MAP6: variants seen among roughly 807,000 people sequenced by gnomAD.
MAP6 encodes microtubule-associated protein 6.
A neutral mutation model predicts 42.4 loss-of-function variants in MAP6; 26 were observed. The observed-to-expected ratio is 0.61, with a 90% CI of 0.45 to 0.85. MAP6 has a LOEUF of 0.85. Among genes scored for constraint, MAP6 ranks in the 40% least tolerant of loss-of-function variants. The pLI, the probability that MAP6 is intolerant of heterozygous loss-of-function variation, is 0.00. For synonymous variants in MAP6, 418 were observed against 443.8 expected (o/e 0.94, Z 0.73); for missense variants, 966 against 1,099.0 (o/e 0.88, Z 1.71).
intron 1 of MAP6, among the ~76,000 whole-genome samples, chr11:75,654,861 C>T (rs1356255756): frequency 1.3e-5 from 2 of 152,154 alleles, no homozygotes; most frequent in East Asian, 1.9e-4. Context: ...AGTTAAGATG[C>T]ATGATTCAAA....
At chr11:75,604,507 G>C (rs114449143) in intron 3 of MAP6, 2 of 985,292 alleles carry the variant, frequency 2.0e-6, no homozygotes, top group African/African-American at 3.5e-5. Context: ...TTAAGGACAG[G>C]AGATACAGAG....
At chr11:75,613,816 G>C (rs1190515762) in intron 1 of MAP6, among the ~76,000 whole-genome samples, 2 of 152,144 alleles carry the variant, frequency 1.3e-5, no homozygotes, top group Non-Finnish European at 2.9e-5. Flanking sequence ...TGGAGAGAAG[G>C]CTGGGCCAGC....
chr11:75,608,280 T>G lies in MAP6; in HGVS notation c.948A>C (p.Pro316=). ...GCTTGTACTGGGGCTTGGCCTTTAT[T>G]GGTTTCACAGGCTTGATGTCCGTCC... ...RAWTDIKPVK[P]IKAKPQYKPP... is the part of the protein sequence containing the mutation. The change falls in exon 2 of 4, where the codon CCA becomes CCC. Residue 316 remains proline, a synonymous_variant. Coordinates refer to ENST00000304771, the MANE Select transcript of MAP6 (RefSeq NM_033063.2). The G allele has an allele frequency of 1.2e-6, 2 of 1,614,216 alleles. No homozygotes were observed. The highest frequency in any genetic ancestry group is 1.7e-6 in the Non-Finnish European group (2 of 1,180,034).
chr11:75,626,736 T>C (rs1378503606), intron 1 of MAP6, among the ~76,000 whole-genome samples: 1 of 152,220 alleles, frequency 6.6e-6, no homozygotes, highest in African/African-American at 2.4e-5. Context: ...ACTATTACTT[T>C]CTGTTTTATG....
chr11:75,647,718 G>T (rs1252930059), intron 1 of MAP6, among the ~76,000 whole-genome samples: 2 of 152,172 alleles, frequency 1.3e-5, no homozygotes, highest in Non-Finnish European at 2.9e-5. Context: ...CAGTATTATA[G>T]AGATGTTAAT....
chr11:75,661,212 T>A (rs73488490), intron 1 of MAP6, among the ~76,000 whole-genome samples: 11,706 of 151,972 alleles, frequency 0.077, 674 homozygotes, highest in African/African-American at 0.16. Context: ...ATTGACAGTT[T>A]AAAAAAAATC....
chr11:75,657,915 C>A (rs1249219389), intron 1 of MAP6, among the ~76,000 whole-genome samples: 2 of 152,206 alleles, frequency 1.3e-5, no homozygotes, highest in African/African-American at 4.8e-5. Flanking sequence ...AGGCCCATAA[C>A]TTAATGACAC....
intron 1 of MAP6, among the ~76,000 whole-genome samples, chr11:75,664,645 G>C (rs1215668504): frequency 6.6e-6 from 1 of 152,168 alleles, no homozygotes; most frequent in African/African-American, 2.4e-5. Flanking sequence ...GCCTTCTAAG[G>C]CAACATAAGG....
intron 1 of MAP6, among the ~76,000 whole-genome samples, chr11:75,627,183 C>T (rs750855132): frequency 3.9e-5 from 6 of 152,254 alleles, no homozygotes; most frequent in Non-Finnish European, 7.3e-5. Flanking sequence ...AACACAGACA[C>T]TCCGCACCTG....
At chr11:75,654,876 G>A (rs1293047251) in intron 1 of MAP6, among the ~76,000 whole-genome samples, 3 of 152,124 alleles carry the variant, frequency 2.0e-5, no homozygotes, top group African/African-American at 7.2e-5. Context: ...TTCAAACCCA[G>A]CTTTGATGGA....
chr11:75,616,868 A>G (rs1302813640), intron 1 of MAP6, among the ~76,000 whole-genome samples: 2 of 152,250 alleles, frequency 1.3e-5, no homozygotes, highest in Non-Finnish European at 2.9e-5. Context: ...AAGTACATGT[A>G]TACCACGGAT....
intron 3 of MAP6, among the ~76,000 whole-genome samples, chr11:75,596,775 C>T (rs629238): frequency 0.45 from 68,157 of 152,062 alleles, 15,836 homozygotes; most frequent in Middle Eastern, 0.6. Context: ...AATTCTGGGT[C>T]AGGGGTGGAG....
chr11:75,608,258 TG>T lies in MAP6; in HGVS notation c.969del (p.Tyr323Ter). The stretch of plus-strand genomic sequence containing the variant: ...TGAACCATCTTATCATCTGGGGGCT[TG>T]TACTGGGGCTTGGCCTTTATTGGTT... ...PVKPIKAKPQ[Y>X]KPPDDKMVHE... On this transcript the variant is annotated frameshift_variant, in exon 2 of 4. Transcript: ENST00000304771. LOFTEE classifies it high-confidence loss of function. 1 of 1,614,226 alleles carries T rather than the reference TG, an allele frequency of 6.2e-7. No homozygotes were observed. The highest frequency in any genetic ancestry group is 2.2e-5 in the East Asian group (1 of 44,888).
At chr11:75,602,516 C>T (rs1218876007) in intron 3 of MAP6, among the ~76,000 whole-genome samples, 2 of 152,204 alleles carry the variant, frequency 1.3e-5, no homozygotes, top group African/African-American at 4.8e-5. Context: ...AAATGACAGT[C>T]CTGCCAGTCG....
At chr11:75,646,877 G>A (rs1384682210) in intron 1 of MAP6, among the ~76,000 whole-genome samples, 7 of 152,136 alleles carry the variant, frequency 4.6e-5, no homozygotes, top group East Asian at 1.9e-4. Flanking sequence ...TATAAAAATT[G>A]TATTACTAAT....
At chr11:75,640,915 A>T (rs1943456412) in intron 1 of MAP6, among the ~76,000 whole-genome samples, 1 of 152,150 alleles carries the variant, frequency 6.6e-6, no homozygotes. Context: ...CCATTGTGGA[A>T]GTCAGTGTGG....
At position 75,659,712 on chromosome 11, in the gene MAP6, A is replaced by C. The variant is rs116363775; in HGVS notation, c.905+7753T>G. 4.4e-3 allele frequency among the ~76,000 whole-genome samples: 670 copies of C among 152,324 alleles called. 7 individuals carry two copies. The highest frequency in any genetic ancestry group is 0.015 in the African/African-American group (617 of 41,574). ...GAGAATGAGAAGCTCACCTATTTAC[A>C]TTAATACAGTTGACACAATTCATAA... On this transcript the variant is annotated intron_variant, in intron 1 of 3. Transcript: ENST00000304771.
intron 3 of MAP6, chr11:75,603,557 T>C (rs1363415445): frequency 1.0e-6 from 1 of 967,594 alleles, no homozygotes; most frequent in East Asian, 1.3e-4. Context: ...CTCTAAAGCC[T>C]TGGGTGAGGG....
At chr11:75,628,472 C>T (rs1298110623) in intron 1 of MAP6, among the ~76,000 whole-genome samples, 1 of 152,200 alleles carries the variant, frequency 6.6e-6, no homozygotes, top group Non-Finnish European at 1.5e-5. Context: ...TTGCCTCCTC[C>T]CCGCCCTTGC....
Sources: allele counts gnomAD v4.1 joint callset (sites outside exome capture counted in the v4.1 genomes callset), GRCh38; gene constraint gnomAD v4.1.1; transcripts MANE v1.5; gene names NCBI Gene and HGNC (gene_info 2026-07-23, HGNC 2026-07-21).